VPS41: variants seen among roughly 807,000 people sequenced by gnomAD.
The protein encoded by VPS41 is VPS41 subunit of HOPS complex.
Under a neutral mutation model 130.9 loss-of-function variants are expected in VPS41, and 85 were observed. The ratio of observed to expected loss-of-function variants is 0.65; its 90% CI spans 0.55 to 0.78. VPS41 has a LOEUF of 0.78. Ranked by LOEUF, VPS41 falls within the 30% of genes least tolerant of loss-of-function variation. The pLI is 0.00. For missense variants in VPS41, 874 were observed against 1,018.7 expected (o/e 0.86, Z 1.93); for synonymous variants, 335 against 332.9 (o/e 1.01, Z -0.07).
intron 4 of VPS41, among the ~76,000 whole-genome samples, chr7:38,861,116 A>G (rs1360711129): frequency 6.6e-6 from 1 of 152,204 alleles, no homozygotes; most frequent in South Asian, 2.1e-4. Flanking sequence ...AACAGACATG[A>G]AAGAAGATAT....
At chr7:38,909,045 G>T in intron 1 of VPS41, 109 bp downstream of exon 1, 12 of 1,213,732 alleles carry the variant, frequency 9.9e-6, no homozygotes, top group Admixed American at 1.7e-5. Context: ...GACCTGCCTT[G>T]CGCTATTCCA....
chr7:38,886,306 C>A (rs546600748), intron 2 of VPS41, among the ~76,000 whole-genome samples: 1 of 152,320 alleles, frequency 6.6e-6, no homozygotes, highest in African/African-American at 2.4e-5. Flanking sequence ...AAATACTGTG[C>A]TTTTCCCACG....
intron 2 of VPS41, among the ~76,000 whole-genome samples, chr7:38,876,748 C>T (rs1015281188): frequency 6.6e-6 from 1 of 152,138 alleles, no homozygotes; most frequent in African/African-American, 2.4e-5. Context: ...TTAAGATTCA[C>T]AAGATATGCA....
Position 38,795,523 on chromosome 7 carries a change from C to T in VPS41, c.659G>A (p.Cys220Tyr). 6.2e-7 allele frequency: 1 copy of T among 1,613,520 alleles called. No individual in the cohort carries two copies. The highest frequency in any genetic ancestry group is 8.5e-7 in the Non-Finnish European group (1 of 1,179,644). Reference sequence around the variant, plus strand: ...CACATTGTCCTTCCAGCAGAGGCTGCAGGGATACATGTCTGGGCGAAGACT... The same window carrying T: ...CACATTGTCCTTCCAGCAGAGGCTGTAGGGATACATGTCTGGGCGAAGACT... ...DISLRPDMYPCSLCWKDNVTL... is the reference protein window; with the variant it reads ...DISLRPDMYPYSLCWKDNVTL... Residue 220 changes from cysteine to tyrosine, a missense_variant, in exon 9 of 29, where the codon TGC becomes TAC. Transcript: ENST00000310301.
At chr7:38,828,835 G>A (rs1259976880) in intron 5 of VPS41, among the ~76,000 whole-genome samples, 1 of 152,154 alleles carries the variant, frequency 6.6e-6, no homozygotes, top group Non-Finnish European at 1.5e-5. Flanking sequence ...TTATCCACCA[G>A]ATGGAGTAGC....
intron 2 of VPS41, among the ~76,000 whole-genome samples, chr7:38,890,884 C>T (rs1203067341): frequency 6.6e-6 from 1 of 152,076 alleles, no homozygotes; most frequent in Non-Finnish European, 1.5e-5. Flanking sequence ...CGGGGTCTCA[C>T]TGTGTTGCCC....
At chr7:38,782,898 C>A (rs1784379315) in intron 10 of VPS41, among the ~76,000 whole-genome samples, 1 of 152,150 alleles carries the variant, frequency 6.6e-6, no homozygotes, top group African/African-American at 2.4e-5. Flanking sequence ...GGACGGATCA[C>A]TTGAGGTCAG....
At position 38,757,247 on chromosome 7, in the gene VPS41, G is replaced by T. The variant is rs547229808; in HGVS notation, c.1551-265C>A. Among the ~76,000 whole-genome samples, 145 of 152,210 alleles carry T rather than the reference G, an allele frequency of 9.5e-4. No individual in the cohort carries two copies. In the South Asian group the frequency reaches 0.013, roughly 14 times the overall value. On this transcript the variant is annotated intron_variant, in intron 18 of 28. Coordinates refer to ENST00000310301, the MANE Select transcript of VPS41 (RefSeq NM_014396.4). Reference sequence around the variant, plus strand: ...GTAATAAAAATGGTCTTTATTGGGGGTCTCAGTCTCAAAAGTTTTACAAAC... The same window carrying T: ...GTAATAAAAATGGTCTTTATTGGGGTTCTCAGTCTCAAAAGTTTTACAAAC...
intron 2 of VPS41, among the ~76,000 whole-genome samples, chr7:38,884,968 T>C (rs913005131): frequency 6.8e-6 from 1 of 146,798 alleles, no homozygotes; most frequent in Non-Finnish European, 1.5e-5. Flanking sequence ...GATGCTTACA[T>C]TGCAAAGTTC....
At chr7:38,791,657 C>T (rs1470421374) in intron 9 of VPS41, among the ~76,000 whole-genome samples, 3 of 152,024 alleles carry the variant, frequency 2.0e-5, no homozygotes, top group Non-Finnish European at 4.4e-5. Context: ...CAACTGGAAG[C>T]TCAATCGGAC....
chr7:38,841,416 G>A (rs1785605614), intron 4 of VPS41, among the ~76,000 whole-genome samples: 1 of 152,176 alleles, frequency 6.6e-6, no homozygotes, highest in Non-Finnish European at 1.5e-5. Flanking sequence ...CCATTTACTA[G>A]TAGACAAGAA....
chr7:38,904,897 G>A (rs1344947781), intron 1 of VPS41, among the ~76,000 whole-genome samples: 1 of 152,090 alleles, frequency 6.6e-6, no homozygotes, highest in Non-Finnish European at 1.5e-5. Context: ...TACTTTAATG[G>A]ACCAGGGTCC....
chr7:38,894,451 G>A (rs1015679544), intron 2 of VPS41, among the ~76,000 whole-genome samples: 2 of 151,814 alleles, frequency 1.3e-5, no homozygotes, highest in Non-Finnish European at 2.9e-5. Flanking sequence ...CGGAGGCTAG[G>A]GTTGGGGGGA....
intron 17 of VPS41, 136 bp downstream of exon 17, chr7:38,763,319 C>G (rs1216334952): frequency 4.0e-6 from 2 of 496,558 alleles, no homozygotes; most frequent in Admixed American, 7.8e-5. Context: ...TGGAGTTTCT[C>G]TAGCTCAGTT....
At chr7:38,838,377 CA>C (rs1785539123) in intron 4 of VPS41, among the ~76,000 whole-genome samples, 1 of 152,162 alleles carries the variant, frequency 6.6e-6, no homozygotes, top group East Asian at 1.9e-4. Flanking sequence ...CAGAAACCAT[CA>C]CATCTAAACA....
chr7:38,729,175 C>A (rs1023596149), intron 25 of VPS41, among the ~76,000 whole-genome samples: 2 of 152,194 alleles, frequency 1.3e-5, no homozygotes, highest in South Asian at 2.1e-4. Flanking sequence ...TGTGTTCATT[C>A]CATTCTTCAG....
At chr7:38,761,263 C>CT (rs66692164) in intron 17 of VPS41, among the ~76,000 whole-genome samples, 3 of 57,006 alleles carry the variant, frequency 5.3e-5, no homozygotes, top group East Asian at 4.3e-4. Flanking sequence ...CTCTTCCTCT[C>CT]TTTTTTTTTT....
rs1431363939 is a variant in VPS41 at position 38,726,009 on chromosome 7, A to G, written c.*237T>C. The G allele has an allele frequency of 8.6e-6, 4 of 465,606 alleles. No homozygotes were observed. Among genetic ancestry groups the G allele is most frequent in the Non-Finnish European group, 1.1e-5 (3 of 262,324 alleles). The allele number at this position is 465,606 out of a possible 1,614,324, so 28.8% of individuals were successfully genotyped here. On this transcript the variant is annotated 3_prime_UTR_variant, in exon 29 of 29. Transcript: ENST00000310301. ...ACTATATAAAGAATGAGCCAAACAAATAAATAACAAAATATTCACTATGGA... is the reference window on the plus strand; with the variant it reads ...ACTATATAAAGAATGAGCCAAACAAGTAAATAACAAAATATTCACTATGGA...
At chr7:38,868,351 T>C (rs1205544525) in intron 3 of VPS41, among the ~76,000 whole-genome samples, 1 of 152,178 alleles carries the variant, frequency 6.6e-6, no homozygotes, top group East Asian at 1.9e-4. Flanking sequence ...CAGGACTCTA[T>C]TTACAATGAA....
Sources: allele counts gnomAD v4.1 joint callset (sites outside exome capture counted in the v4.1 genomes callset), GRCh38; gene constraint gnomAD v4.1.1; transcripts MANE v1.5; gene names NCBI Gene and HGNC (gene_info 2026-07-23, HGNC 2026-07-21).